ITGB1: variants seen among roughly 807,000 people sequenced by gnomAD.
The protein encoded by ITGB1 is integrin subunit beta 1, also known as integrin beta-1.
ITGB1 carries 24 observed loss-of-function variants against 86.5 expected under a neutral mutation model. The observed-to-expected ratio is 0.28, with a 90% CI of 0.20 to 0.39. ITGB1 has a LOEUF of 0.39. Ranked by LOEUF, ITGB1 falls within the 10% of genes least tolerant of loss-of-function variation. ITGB1 has a pLI of 1.00. For synonymous variants in ITGB1, 323 were observed against 316.8 expected (o/e 1.02, Z -0.21); for missense variants, 556 against 946.9 (o/e 0.59, Z 5.42).
Position 32,922,354 on chromosome 10 carries a change from TAA to T in ITGB1, c.1039-10_1039-9del, listed in dbSNP as rs748494733. On this transcript the variant is annotated splice_polypyrimidine_tract_variant and intron_variant, in intron 8 of 15. Transcript: ENST00000302278. ...GATCAAGTTTTTCAGCTCCTGCAAT[TAA>T]AAGATAAAACACGTAAAATACAACT... is the stretch of plus-strand genomic sequence containing the variant. 60 of 1,579,242 alleles carry T rather than the reference TAA, an allele frequency of 3.8e-5. No homozygotes were observed. The highest frequency in any genetic ancestry group is 1.5e-4 in the Admixed American group (9 of 58,902).
At chr10:32,920,746 G>A (rs1203823775) in intron 9 of ITGB1, among the ~76,000 whole-genome samples, 1 of 151,520 alleles carries the variant, frequency 6.6e-6, no homozygotes, top group Non-Finnish European at 1.5e-5. Context: ...GCCAAGGTAG[G>A]TGGACTGCCT....
At chr10:32,930,189 C>CAG in intron 3 of ITGB1, 145 bp from the exon 4 acceptor site, 1 of 609,866 alleles carries the variant, frequency 1.6e-6, no homozygotes. Context: ...AAAATGCTCC[C>CAG]TTCATCCAAA....
chr10:32,946,782 C>T (rs1375114841), intron 1 of ITGB1, among the ~76,000 whole-genome samples: 1 of 123,630 alleles, frequency 8.1e-6, no homozygotes, highest in African/African-American at 3.5e-5. Flanking sequence ...TCCTTTTCTG[C>T]AGGTATTTCA....
intron 1 of ITGB1, among the ~76,000 whole-genome samples, chr10:32,936,525 TCCC>T (rs1565829904): frequency 1.3e-5 from 2 of 150,804 alleles, no homozygotes; most frequent in Non-Finnish European, 1.5e-5. Flanking sequence ...CCCCCACCTC[TCCC>T]CCAACAAAAA....
chr10:32,936,324 G>A (rs1261389655), intron 1 of ITGB1: 1 of 152,228 alleles, frequency 6.6e-6, no homozygotes, highest in Non-Finnish European at 1.5e-5. Flanking sequence ...CTACTCCGGA[G>A]GCTGAGGCAG....
Position 32,937,031 on chromosome 10 carries a change from C to T in ITGB1, c.1-1473G>A, listed in dbSNP as rs375313665. On this transcript the variant is annotated intron_variant, in intron 1 of 15. Transcript: ENST00000302278. ...TGGGAAATAATTTGACAATTTATAT[C>T]AAAAACCATAAAAAAATTTCTACCC... Among the ~76,000 whole-genome samples the T allele has an allele frequency of 6.9e-4, 105 of 152,192 alleles. 4 individuals carry two copies. In the South Asian group the frequency reaches 0.022, roughly 32 times the overall value.
intron 1 of ITGB1, among the ~76,000 whole-genome samples, chr10:32,950,827 T>A (rs1318719750): frequency 6.6e-6 from 1 of 152,122 alleles, no homozygotes; most frequent in Non-Finnish European, 1.5e-5. Flanking sequence ...CAAAACAATT[T>A]GAAATCTGAG....
chr10:32,936,617 C>T (rs1389627461), intron 1 of ITGB1, among the ~76,000 whole-genome samples: 1 of 151,774 alleles, frequency 6.6e-6, no homozygotes, highest in Non-Finnish European at 1.5e-5. Context: ...ATTCTATATA[C>T]TAAATACAAC....
intron 6 of ITGB1, among the ~76,000 whole-genome samples, chr10:32,924,377 T>A (rs1317935423): frequency 6.6e-6 from 1 of 152,270 alleles, no homozygotes; most frequent in East Asian, 1.9e-4. Context: ...CTTGTCACTA[T>A]GGTAATTTAT....
intron 5 of ITGB1, among the ~76,000 whole-genome samples, chr10:32,927,524 G>A (rs983778346): frequency 2.6e-5 from 4 of 152,204 alleles, no homozygotes; most frequent in African/African-American, 9.7e-5. Context: ...AGGCATGGTG[G>A]CTCACGCCTG....
In ITGB1 at chr10:32,922,803, T is replaced by C; in HGVS notation, c.943-68A>G. ...TATAATCTCTTCTAATTTTTCAATC[T>C]AGTTATACATGCAAGATTACACATA... On this transcript the variant is annotated intron_variant, in intron 7 of 15. Transcript: ENST00000302278. The C allele has an allele frequency of 4.8e-6, 4 of 839,720 alleles. No homozygotes were observed. In the South Asian group the frequency reaches 7.2e-5, roughly 15 times the overall value. The allele number at this position is 839,720 out of a possible 1,614,324, so 52.0% of individuals were successfully genotyped here.
rs771232092 is a variant in ITGB1 at position 32,908,514 on chromosome 10, T to C, written c.2185A>G (p.Ile729Val). 5 of 1,613,842 alleles carry C rather than the reference T, an allele frequency of 3.1e-6. No individual in the cohort carries two copies. The highest frequency in any genetic ancestry group is 4.2e-6 in the Non-Finnish European group (5 of 1,179,848). Residue 729 changes from isoleucine (I) to valine (V), a missense_variant, in exon 15 of 16, where the codon ATC (isoleucine) becomes GTC (valine). By Grantham distance (29) the Ile-to-Val change is conservative. This residue lies in a region of ITGB1 where 330 missense variants were observed against 531.5 expected (regional missense o/e 0.62). Coordinates refer to ENST00000302278, the MANE Select transcript of ITGB1 (RefSeq NM_002211.4). Reference protein sequence around the residue: ...ENPECPTGPDIIPIVAGVVAG... With the variant: ...ENPECPTGPDVIPIVAGVVAG... ...ACCACACCAGCTACAATTGGAATGA[T>C]GTCTGGACCAGTGGGACACTCTGGA...
chr10:32,945,539 C>T, intron 1 of ITGB1, among the ~76,000 whole-genome samples: 1 of 151,810 alleles, frequency 6.6e-6, no homozygotes, highest in Non-Finnish European at 1.5e-5. Flanking sequence ...GTGGAGCTTG[C>T]AGTGAGCTGA....
chr10:32,927,579 G>A (rs2137219081), intron 5 of ITGB1, among the ~76,000 whole-genome samples: 1 of 152,298 alleles, frequency 6.6e-6, no homozygotes, highest in East Asian at 1.9e-4. Flanking sequence ...ATTACCTGAG[G>A]TCAGGAGTTC....
At chr10:32,954,735 T>C (rs573356758) in intron 1 of ITGB1, among the ~76,000 whole-genome samples, 5 of 152,320 alleles carry the variant, frequency 3.3e-5, no homozygotes, top group African/African-American at 1.2e-4. Context: ...ATATATGTGC[T>C]TGTGTGTATG....
At chr10:32,922,230 A>T in intron 9 of ITGB1, 27 bp downstream of exon 9, 1 of 1,399,652 alleles carries the variant, frequency 7.1e-7, no homozygotes. Flanking sequence ...TATTGTCCAA[A>T]ACTGATCTTA....
chr10:32,951,017 CA>C (rs2095041595), intron 1 of ITGB1, among the ~76,000 whole-genome samples: 1 of 152,022 alleles, frequency 6.6e-6, no homozygotes, highest in African/African-American at 2.4e-5. Context: ...CATTGGCAAA[CA>C]AAATGCCTAA....
Position 32,902,672 on chromosome 10 carries a change from G to A in ITGB1, c.2332-1037C>T, listed in dbSNP as rs543859198. ...TCTCACTATAGAACCAACTGCAGGT[G>A]ATTTTTAAAAAAATATTTATAGAAA... On this transcript the variant is annotated intron_variant, in intron 15 of 15. Transcript: ENST00000302278. Among the ~76,000 whole-genome samples, 18 of 152,178 alleles carry A rather than the reference G, an allele frequency of 1.2e-4. No individual in the cohort carries two copies. In the South Asian group the frequency reaches 3.7e-3, roughly 32 times the overall value.
In ITGB1 at chr10:32,911,621, A is replaced by C. The variant is rs2094913650; in HGVS notation, c.1758T>G (p.Thr586=). 1 of 1,614,202 alleles carries C rather than the reference A, an allele frequency of 6.2e-7. No homozygotes were observed. The highest frequency in any genetic ancestry group is 8.5e-7 in the Non-Finnish European group (1 of 1,180,018). ...CRVCECNPNY[T]GSACDCSLDT... ...CCAAAGAACAGTCACATGCACTGCC[A>C]GTGTAGTTGGGGTTGCACTCACACA... is the stretch of plus-strand genomic sequence containing the variant. Residue 586 remains threonine (T), a synonymous_variant, in exon 13 of 16, where the codon ACT becomes ACG. Transcript: ENST00000302278.
Sources: allele counts gnomAD v4.1 joint callset (sites outside exome capture counted in the v4.1 genomes callset), GRCh38; gene constraint gnomAD v4.1.1; regional missense constraint gnomAD v4.1.1; transcripts MANE v1.5; gene names NCBI Gene and HGNC (gene_info 2026-07-23, HGNC 2026-07-21).